LRRTM4: variants seen among roughly 807,000 people sequenced by gnomAD.
The protein encoded by LRRTM4 is leucine-rich repeat transmembrane neuronal protein 4.
Under a neutral mutation model 47.6 loss-of-function variants are expected in LRRTM4, and 25 were observed. The ratio of observed to expected loss-of-function variants is 0.53; its 90% confidence interval spans 0.38 to 0.73. The LOEUF (loss-of-function observed/expected upper bound fraction) is 0.73, where lower values mean the gene tolerates loss of function less well. Ranked by LOEUF, LRRTM4 falls within the 30% of genes least tolerant of loss-of-function variation. The pLI, the probability that LRRTM4 is intolerant of heterozygous loss-of-function variation, is 0.00. For synonymous variants in LRRTM4, 311 were observed against 269.5 expected (o/e 1.15, Z -1.51); for missense variants, 638 against 713.4 (o/e 0.89, Z 1.20).
intron 3 of LRRTM4, among the ~76,000 whole-genome samples, chr2:77,475,799 C>G (rs543436944): frequency 2.0e-5 from 3 of 151,708 alleles, no homozygotes; most frequent in Admixed American, 2.0e-4. Flanking sequence ...ATATACTTCA[C>G]ATGCTTTTCA....
intron 3 of LRRTM4, among the ~76,000 whole-genome samples, chr2:76,780,192 A>G (rs1674288356): frequency 6.6e-6 from 1 of 152,140 alleles, no homozygotes; most frequent in South Asian, 2.1e-4. Context: ...GCTGCCCTTA[A>G]CATTTTTTCC....
intron 2 of LRRTM4, 124 bp downstream of exon 2, chr2:77,521,544 G>T: frequency 9.2e-7 from 1 of 1,082,868 alleles, no homozygotes; most frequent in Non-Finnish European, 1.4e-6. Context: ...TGAATCAACT[G>T]GCAAACTCAA....
chr2:77,066,684 T>C (rs1679966702), intron 3 of LRRTM4, among the ~76,000 whole-genome samples: 3 of 152,316 alleles, frequency 2.0e-5, no homozygotes, highest in South Asian at 2.1e-4. Context: ...TATAGAGATA[T>C]GTAGGCATAT....
rs76689311 is a variant in LRRTM4, at chr2:76,970,767, G to C, written c.1552-221851C>G. The stretch of plus-strand genomic sequence containing the variant: ...TTTCTACAAATGAAAATGCTGATTG[G>C]ATTGGAAGGTGTTTCGTGACCAGTA... On this transcript the variant is annotated intron_variant, in intron 3 of 3. Coordinates refer to ENST00000409884, the MANE Select transcript of LRRTM4 (RefSeq NM_001134745.3). Among the ~76,000 whole-genome samples, 5 of 152,110 alleles carry C rather than the reference G, an allele frequency of 3.3e-5. No individual in the cohort carries two copies. The East Asian group carries it at 9.7e-4, about 30-fold the overall frequency.
intron 3 of LRRTM4, among the ~76,000 whole-genome samples, chr2:77,243,194 C>T (rs1675318893): frequency 6.6e-6 from 1 of 152,008 alleles, no homozygotes; most frequent in Admixed American, 6.6e-5. Context: ...GGGTGGATCA[C>T]CTGAGGTCAG....
intron 3 of LRRTM4, among the ~76,000 whole-genome samples, chr2:76,837,359 T>C (rs1359897096): frequency 1.3e-5 from 2 of 151,614 alleles, no homozygotes; most frequent in African/African-American, 4.8e-5. Flanking sequence ...TTTTGAAGGG[T>C]TTTTTTTGTC....
At chr2:77,079,174 A>T (rs1006359819) in intron 3 of LRRTM4, among the ~76,000 whole-genome samples, 2 of 152,228 alleles carry the variant, frequency 1.3e-5, no homozygotes, top group Admixed American at 1.3e-4. Flanking sequence ...GACATAAGGG[A>T]AACTGTTTTC....
intron 3 of LRRTM4, among the ~76,000 whole-genome samples, chr2:77,336,737 T>C (rs529060999): frequency 4.7e-4 from 72 of 152,232 alleles, no homozygotes; most frequent in Non-Finnish European, 2.6e-4. Context: ...GAGCTATCAA[T>C]GACAAACCCA....
intron 3 of LRRTM4, among the ~76,000 whole-genome samples, chr2:77,058,825 T>G (rs964739280): frequency 2.0e-5 from 3 of 152,164 alleles, no homozygotes; most frequent in Non-Finnish European, 4.4e-5. Context: ...TTTAAATATA[T>G]TACTTATATC....
intron 3 of LRRTM4, among the ~76,000 whole-genome samples, chr2:77,073,319 A>G (rs1224962698): frequency 6.6e-6 from 1 of 152,170 alleles, no homozygotes; most frequent in Non-Finnish European, 1.5e-5. Flanking sequence ...AATTAGTAAA[A>G]TAGGCCAGAA....
chr2:76,820,748 C>G (rs1671030337), intron 3 of LRRTM4, among the ~76,000 whole-genome samples: 1 of 151,742 alleles, frequency 6.6e-6, no homozygotes, highest in African/African-American at 2.4e-5. Context: ...GCTTAAGCAT[C>G]AAGCTGGTAA....
At chr2:77,299,276 C>A (rs1677060014) in intron 3 of LRRTM4, among the ~76,000 whole-genome samples, 1 of 97,562 alleles carries the variant, frequency 1.0e-5, no homozygotes, top group African/African-American at 2.8e-5. Flanking sequence ...CACACACACA[C>A]ACACACACAC....
intron 3 of LRRTM4, among the ~76,000 whole-genome samples, chr2:76,974,063 G>A (rs1410134083): frequency 6.6e-6 from 1 of 150,570 alleles, no homozygotes; most frequent in African/African-American, 2.4e-5. Context: ...CTTAGAGAAA[G>A]GTTTTACCAT....
rs73942718 is a variant in LRRTM4 at position 77,415,533 on chromosome 2, A to T, written c.1551+102785T>A. ...AAAGTATATTTAGTTCTTCTAAAAC[A>T]TCATGTTCTCTGGACTCTATGGAAA... On this transcript the variant is annotated intron_variant, in intron 3 of 3. Coordinates refer to ENST00000409884, the MANE Select transcript of LRRTM4 (RefSeq NM_001134745.3). Among the ~76,000 whole-genome samples the T allele has an allele frequency of 6.4e-3, 971 of 152,302 alleles. 6 individuals are homozygous for T. Among genetic ancestry groups the T allele is most frequent in the African/African-American group, 0.021 (889 of 41,588 alleles).
chr2:77,412,507 C>T (rs534095430), intron 3 of LRRTM4, among the ~76,000 whole-genome samples: 45 of 152,272 alleles, frequency 3.0e-4, no homozygotes, highest in African/African-American at 1.0e-3. Flanking sequence ...AAGAGTAATT[C>T]AAACAGCCTA....
Position 77,518,531 on chromosome 2 carries a change from A to G in LRRTM4, c.1338T>C (p.Ser446=). 1.2e-6 allele frequency: 2 copies of G among 1,613,404 alleles called. No homozygotes were observed. The highest frequency in any genetic ancestry group is 2.2e-5 in the East Asian group (1 of 44,846). ...TCATGCTGGCTGGGTAGCGTTTCCAAGACACATAGATCACCAAGAGGATCA... is the reference window on the plus strand; with the variant it reads ...TCATGCTGGCTGGGTAGCGTTTCCAGGACACATAGATCACCAAGAGGATCA... ...VAMILLVIYV[S]WKRYPASMKQ... The change falls in exon 3 of 4, where the codon TCT becomes TCC. Residue 446 remains serine (S), a synonymous_variant. Transcript: ENST00000409884.
chr2:77,052,012 T>G (rs923191114), intron 3 of LRRTM4, among the ~76,000 whole-genome samples: 10 of 152,094 alleles, frequency 6.6e-5, no homozygotes, highest in Non-Finnish European at 1.5e-4. Context: ...AAAATTTATT[T>G]TATTTATAAA....
chr2:76,940,333 G>T (rs1573343160), intron 3 of LRRTM4, among the ~76,000 whole-genome samples: 1 of 152,168 alleles, frequency 6.6e-6, no homozygotes, highest in Admixed American at 6.5e-5. Flanking sequence ...CATGTCATTT[G>T]CAGGAACATG....
intron 3 of LRRTM4, among the ~76,000 whole-genome samples, chr2:77,051,506 C>T (rs1679430754): frequency 6.6e-6 from 1 of 152,092 alleles, no homozygotes; most frequent in Admixed American, 6.6e-5. Flanking sequence ...AAGAAAAAAT[C>T]CATCATCTTA....
Sources: gnomAD v4.1 joint callset for allele counts (sites outside exome capture counted in the v4.1 genomes callset) on GRCh38, gnomAD v4.1.1 for gene constraint, MANE v1.5 for transcripts, NCBI Gene and HGNC (gene_info 2026-07-23, HGNC 2026-07-21) for gene names.